Variants in KNL1 observed in about 807,000 individuals in gnomAD.
The protein encoded by KNL1 is outer kinetochore KNL1 complex subunit KNL1.
A neutral mutation model predicts 201.3 loss-of-function variants in KNL1; 66 were observed. The observed-to-expected ratio is 0.33, with a 90% CI of 0.27 to 0.40. The LOEUF (loss-of-function observed/expected upper bound fraction) is 0.40, where lower values mean the gene tolerates loss of function less well. KNL1 is among the 10% of genes least tolerant of loss of function. The pLI is 1.00. For synonymous variants in KNL1, 895 were observed against 899.2 expected, an observed-to-expected ratio of 1.00 and a Z score of 0.08; for missense variants, 2,815 against 2,690.5, an observed-to-expected ratio of 1.05 and a Z score of -1.02.
rs763627300 is a variant in KNL1 at position 40,621,918 on chromosome 15, T to A, written c.1654T>A (p.Ser552Thr). Reference sequence around the variant, plus strand: ...TAAGGAAAGAATACAGCAGAGCCTGTCAAATCCTTTGTCTATTTCATTGAC... The same window carrying A: ...TAAGGAAAGAATACAGCAGAGCCTGACAAATCCTTTGTCTATTTCATTGAC... ...VSKERIQQSL[S>T]NPLSISLTDR... Residue 552 changes from serine to threonine, a missense_variant, in exon 10 of 26, where the codon TCA becomes ACA. Ser to Thr is a moderately conservative substitution (Grantham distance 58). This residue lies in a region of KNL1 where 2,464 missense variants were observed against 2,291.7 expected (regional missense o/e 1.08). Transcript: ENST00000399668. 5.6e-6 allele frequency: 9 copies of A among 1,613,454 alleles called. No homozygotes were observed. Among genetic ancestry groups the A allele is most frequent in the Admixed American group, 1.7e-5 (1 of 59,946 alleles).
At chr15:40,610,785 C>T in intron 6 of KNL1, 4 of 455,610 alleles carry the variant, frequency 8.8e-6, no homozygotes, top group South Asian at 6.2e-5. Context: ...CGGATTTTCA[C>T]TGTTGTTCCC....
At chr15:40,618,880 C>A in intron 8 of KNL1, 79 bp from the exon 9 acceptor site, 1 of 852,876 alleles carries the variant, frequency 1.2e-6, no homozygotes, top group South Asian at 1.6e-5. Flanking sequence ...ATACTTGTAA[C>A]TGATGAAGAA....
In KNL1 at chr15:40,623,675, A is replaced by G; in HGVS notation, c.3411A>G (p.Glu1137=). The G allele has an allele frequency of 6.2e-7, 1 of 1,613,924 alleles. No individual in the cohort carries two copies. Among genetic ancestry groups the G allele is most frequent in the Non-Finnish European group, 8.5e-7 (1 of 1,179,886 alleles). ...CTAGGAGTCACACAACTGCCTTAGAATGTAAAACTCTCCTGCCAAATGAAA... is the reference window on the plus strand; with the variant it reads ...CTAGGAGTCACACAACTGCCTTAGAGTGTAAAACTCTCCTGCCAAATGAAA... ...EITRSHTTAL[E]CKTLLPNEIA... The change falls in exon 10 of 26, where the codon GAA becomes GAG. Residue 1137 remains glutamate, a synonymous_variant. Coordinates refer to ENST00000399668, the MANE Select transcript of KNL1 (RefSeq NM_144508.5).
chr15:40,644,488 G>A (rs552147070), intron 14 of KNL1, among the ~76,000 whole-genome samples: 6 of 152,220 alleles, frequency 3.9e-5, no homozygotes, highest in Middle Eastern at 3.4e-3. Flanking sequence ...AGAGGCTTTC[G>A]TCTTTTACTA....
rs372010989 is a variant in KNL1 at position 40,623,558 on chromosome 15, C to T, written c.3294C>T (p.Asn1098=). Residue 1098 remains asparagine (N), a synonymous_variant, in exon 10 of 26, where the codon AAC becomes AAT. Transcript: ENST00000399668. ...AGAGTTGTATGGTGGAAATAGATAA[C>T]GAAAGTGCCCTGGAGGATAAAGAGG... The part of the protein sequence containing the change: ...ITQSCMVEID[N]ESALEDKEDF... 2.5e-5 allele frequency: 41 copies of T among 1,613,552 alleles called. No homozygotes were observed. Among genetic ancestry groups the T allele is most frequent in the South Asian group, 1.2e-4 (11 of 91,076 alleles).
Position 40,622,645 on chromosome 15 carries a change from T to A in KNL1, c.2381T>A (p.Leu794Gln). Residue 794 changes from leucine (L) to glutamine (Q), a missense_variant, in exon 10 of 26, where the codon CTA becomes CAA. By Grantham distance (113) the Leu-to-Gln change is moderately radical (BLOSUM62 -2). Transcript: ENST00000399668. The stretch of plus-strand genomic sequence containing the variant: ...AATTTAGAACACACTACTGGCCAGC[T>A]AACAACAATGAACAGACAGATAGCT... ...KTNLEHTTGQLTTMNRQIAVK... is the reference protein window; with the variant it reads ...KTNLEHTTGQQTTMNRQIAVK... 2.5e-6 allele frequency: 4 copies of A among 1,593,950 alleles called. No homozygotes were observed. Among genetic ancestry groups the A allele is most frequent in the Non-Finnish European group, 2.6e-6 (3 of 1,172,344 alleles).
At chr15:40,646,902 T>C (rs1028508851) in intron 16 of KNL1, 85 bp from the exon 17 acceptor site, 2 of 625,868 alleles carry the variant, frequency 3.2e-6, no homozygotes, top group Non-Finnish European at 5.8e-6. Context: ...GTGATCATGA[T>C]AGAGCGATTA....
chr15:40,652,214 C>A, intron 21 of KNL1, 109 bp downstream of exon 21: 1 of 576,316 alleles, frequency 1.7e-6, no homozygotes, highest in Non-Finnish European at 3.0e-6. Flanking sequence ...ATGATGAGAG[C>A]ACTGCTGAAA....
At chr15:40,597,505 C>A (rs1414789942) in intron 1 of KNL1, among the ~76,000 whole-genome samples, 1 of 152,162 alleles carries the variant, frequency 6.6e-6, no homozygotes, top group South Asian at 2.1e-4. Flanking sequence ...GAACTCCTGG[C>A]CTCAAGTGAT....
chr15:40,641,632 T>A (rs1456965280), intron 14 of KNL1, among the ~76,000 whole-genome samples: 1 of 152,224 alleles, frequency 6.6e-6, no homozygotes, highest in African/African-American at 2.4e-5. Context: ...ACCCTCAAAC[T>A]ATGTGTACAA....
intron 16 of KNL1, 23 bp from the exon 17 acceptor site, chr15:40,646,964 A>C: frequency 3.0e-6 from 3 of 993,690 alleles, no homozygotes; most frequent in Non-Finnish European, 4.8e-6. Flanking sequence ...TTAACTTGAC[A>C]GTCTATAATC....
chr15:40,624,809 CTA>C lies in KNL1; in HGVS notation c.4548_4549del (p.Tyr1516Ter). 1 of 1,613,600 alleles carries C rather than the reference CTA, an allele frequency of 6.2e-7. No individual in the cohort carries two copies. The highest frequency in any genetic ancestry group is 8.5e-7 in the Non-Finnish European group (1 of 1,179,886). The stretch of plus-strand genomic sequence containing the variant: ...TGAAGGAAAATATTCAAACAACTAA[CTA>C]TAATACAGCTCTAGATTTCCACAGT... ...ELKENIQTTN[Y>X]NTALDFHSNS... On this transcript the variant is annotated frameshift_variant, in exon 10 of 26. Coordinates refer to ENST00000399668, the MANE Select transcript of KNL1 (RefSeq NM_144508.5). LOFTEE classifies it high-confidence loss of function.
chr15:40,613,036 TTATAATA>T (rs1395211818), intron 7 of KNL1, among the ~76,000 whole-genome samples: 1 of 152,168 alleles, frequency 6.6e-6, no homozygotes, highest in African/African-American at 2.4e-5. Context: ...GCAGCGTTTA[TTATAATA>T]GTAAACGTTG....
chr15:40,615,421 T>C, intron 8 of KNL1, 43 bp downstream of exon 8: 1 of 557,526 alleles, frequency 1.8e-6, no homozygotes, highest in Non-Finnish European at 3.0e-6. Flanking sequence ...AGATAGTCTA[T>C]TCATCTAGGT....
chr15:40,627,994 G>A, intron 10 of KNL1, 76 bp from the exon 11 acceptor site: 1 of 945,704 alleles, frequency 1.1e-6, no homozygotes, highest in Non-Finnish European at 1.5e-6. Flanking sequence ...GTTAGAAGTA[G>A]TATTTCTGTT....
At chr15:40,652,238 C>A in intron 21 of KNL1, 133 bp downstream of exon 21, 1 of 454,276 alleles carries the variant, frequency 2.2e-6, no homozygotes, top group Non-Finnish European at 3.9e-6. Flanking sequence ...TTAGAACAGT[C>A]ACTTTATTGA....
At chr15:40,614,650 AACAAGAC>A (rs1567003751) in intron 7 of KNL1, among the ~76,000 whole-genome samples, 3 of 152,168 alleles carry the variant, frequency 2.0e-5, no homozygotes, top group Non-Finnish European at 4.4e-5. Flanking sequence ...TATTTTTTTA[AACAAGAC>A]AAAAATGGGA....
chr15:40,597,066 C>A (rs888269404), intron 1 of KNL1, among the ~76,000 whole-genome samples: 2 of 149,022 alleles, frequency 1.3e-5, no homozygotes, highest in African/African-American at 2.5e-5. Context: ...TTTATCTTTA[C>A]AGTGATGTTA....
At chr15:40,607,127 T>G (rs1259984996) in intron 4 of KNL1, among the ~76,000 whole-genome samples, 1 of 152,196 alleles carries the variant, frequency 6.6e-6, no homozygotes, top group African/African-American at 2.4e-5. Context: ...TTTGAACTTC[T>G]GGGCTCAAGT....
Sources: allele counts gnomAD v4.1 joint callset (sites outside exome capture counted in the v4.1 genomes callset), GRCh38; gene constraint gnomAD v4.1.1; regional missense constraint gnomAD v4.1.1; transcripts MANE v1.5; gene names NCBI Gene and HGNC (gene_info 2026-07-23, HGNC 2026-07-21).